Variants in EPHA6 observed in about 807,000 individuals in gnomAD.
The protein encoded by EPHA6 is ephrin type-A receptor 6.
EPHA6 carries 50 observed loss-of-function variants against 112.0 expected under a neutral mutation model. That is an observed-to-expected ratio of 0.45 (90% CI 0.36 to 0.56). EPHA6 has a LOEUF of 0.56. Among genes scored for constraint, EPHA6 ranks in the 20% least tolerant of loss-of-function variants. The pLI, the probability that EPHA6 is intolerant of heterozygous loss-of-function variation, is 0.00. For synonymous variants in EPHA6, 529 were observed against 490.7 expected, an observed-to-expected ratio of 1.08 and a Z score of -1.03; for missense variants, 1,280 against 1,417.4, an observed-to-expected ratio of 0.90 and a Z score of 1.56.
At chr3:96,895,620 C>T (rs145798943) in intron 2 of EPHA6, among the ~76,000 whole-genome samples, 32 of 152,282 alleles carry the variant, frequency 2.1e-4, no homozygotes, top group African/African-American at 7.2e-4. Context: ...GGTAATTGAC[C>T]TATACAGGTG....
chr3:97,715,865 CA>C (rs1204531769), intron 14 of EPHA6, among the ~76,000 whole-genome samples: 4 of 152,150 alleles, frequency 2.6e-5, no homozygotes, highest in Non-Finnish European at 5.9e-5. Context: ...ACTTGGAAAA[CA>C]AAAACACAAA....
chr3:97,138,617 G>T (rs542939224), intron 3 of EPHA6, among the ~76,000 whole-genome samples: 1 of 152,338 alleles, frequency 6.6e-6, no homozygotes, highest in East Asian at 1.9e-4. Flanking sequence ...CAGAGAACAA[G>T]TCTGTGGGCC....
chr3:97,216,149 G>C (rs2078028643), intron 3 of EPHA6, among the ~76,000 whole-genome samples: 1 of 152,162 alleles, frequency 6.6e-6, no homozygotes, highest in Non-Finnish European at 1.5e-5. Flanking sequence ...GGCAGTACAA[G>C]CATGGCTCCA....
intron 11 of EPHA6, among the ~76,000 whole-genome samples, chr3:97,571,907 A>AT (rs2093336479): frequency 6.6e-6 from 1 of 152,216 alleles, no homozygotes; most frequent in Non-Finnish European, 1.5e-5. Context: ...AAGAACCATC[A>AT]TTGCAATGTA....
chr3:97,674,879 C>T (rs182875767), intron 14 of EPHA6, among the ~76,000 whole-genome samples: 260 of 152,196 alleles, frequency 1.7e-3, no homozygotes, highest in African/African-American at 5.8e-3. Context: ...CTTACTTCAT[C>T]GGGAATTCTC....
intron 11 of EPHA6, among the ~76,000 whole-genome samples, chr3:97,544,086 C>T (rs1378879535): frequency 1.3e-5 from 2 of 152,134 alleles, no homozygotes; most frequent in Admixed American, 6.5e-5. Flanking sequence ...CCTTTATTTC[C>T]TTCTCCTGCC....
chr3:97,704,052 T>C (rs1433524765), intron 14 of EPHA6, among the ~76,000 whole-genome samples: 1 of 152,200 alleles, frequency 6.6e-6, no homozygotes, highest in African/African-American at 2.4e-5. Context: ...ATAAAACATA[T>C]GAATTAAATA....
At chr3:97,288,417 G>T (rs1239667922) in intron 5 of EPHA6, among the ~76,000 whole-genome samples, 2 of 152,156 alleles carry the variant, frequency 1.3e-5, no homozygotes, top group South Asian at 2.1e-4. Flanking sequence ...GAGATGATTT[G>T]ATTCTTTTTC....
intron 14 of EPHA6, among the ~76,000 whole-genome samples, chr3:97,669,430 C>A (rs956590567): frequency 6.6e-6 from 1 of 151,554 alleles, no homozygotes; most frequent in Non-Finnish European, 1.5e-5. Context: ...CAAGAGTAGT[C>A]TCTAGACCAC....
chr3:97,365,351 A>G (rs2084654952), intron 5 of EPHA6, among the ~76,000 whole-genome samples: 1 of 152,100 alleles, frequency 6.6e-6, no homozygotes, highest in Non-Finnish European at 1.5e-5. Flanking sequence ...TACAGACATC[A>G]TTAGCAAAAT....
Position 97,472,025 on chromosome 3 carries a change from T to C in EPHA6, c.1895-3327T>C, listed in dbSNP as rs148216857. Among the ~76,000 whole-genome samples, 624 of 151,862 alleles carry C rather than the reference T, an allele frequency of 4.1e-3. 4 individuals carry two copies. Among genetic ancestry groups the C allele is most frequent in the African/African-American group, 0.014 (565 of 41,502 alleles). On this transcript the variant is annotated intron_variant, in intron 7 of 17. Coordinates refer to ENST00000389672, the MANE Select transcript of EPHA6 (RefSeq NM_001080448.3). Reference sequence around the variant, plus strand: ...CTTTGTCTTTACATGTGTCTTTACATGGCCTTCTCGTCTTTGTCTTCTCCA... The same window carrying C: ...CTTTGTCTTTACATGTGTCTTTACACGGCCTTCTCGTCTTTGTCTTCTCCA...
chr3:96,981,277 C>A (rs970394107), intron 2 of EPHA6, among the ~76,000 whole-genome samples: 1 of 152,082 alleles, frequency 6.6e-6, no homozygotes, highest in Non-Finnish European at 1.5e-5. Flanking sequence ...TGAATTTTGT[C>A]AAAGGCCTTT....
intron 3 of EPHA6, among the ~76,000 whole-genome samples, chr3:97,015,169 G>GA (rs1424205208): frequency 2.6e-5 from 4 of 151,952 alleles, no homozygotes; most frequent in South Asian, 2.1e-4. Flanking sequence ...AGGCCTGTGT[G>GA]AAAAAAGAAG....
intron 3 of EPHA6, among the ~76,000 whole-genome samples, chr3:97,159,579 A>G (rs1261360001): frequency 6.6e-6 from 1 of 152,098 alleles, no homozygotes; most frequent in Non-Finnish European, 1.5e-5. Context: ...TTCAGAATAT[A>G]TACAGCCTCT....
chr3:97,700,035 CA>C (rs2033284097), intron 14 of EPHA6, among the ~76,000 whole-genome samples: 1 of 152,166 alleles, frequency 6.6e-6, no homozygotes, highest in South Asian at 2.1e-4. Flanking sequence ...GGAAGTTTAG[CA>C]AGAAAGAATG....
At chr3:97,070,828 G>A (rs2046327186) in intron 3 of EPHA6, among the ~76,000 whole-genome samples, 1 of 152,052 alleles carries the variant, frequency 6.6e-6, no homozygotes, top group African/African-American at 2.4e-5. Flanking sequence ...TGTCCACAGT[G>A]CATTGTCAGT....
chr3:97,347,349 T>G (rs1303044838), intron 5 of EPHA6, among the ~76,000 whole-genome samples: 2 of 152,136 alleles, frequency 1.3e-5, no homozygotes, highest in Non-Finnish European at 2.9e-5. Flanking sequence ...CTAACTTTTC[T>G]TAGATATAAA....
At chr3:97,079,086 C>A (rs1281016953) in intron 3 of EPHA6, among the ~76,000 whole-genome samples, 1 of 152,082 alleles carries the variant, frequency 6.6e-6, no homozygotes, top group Non-Finnish European at 1.5e-5. Flanking sequence ...ACACTGTTTA[C>A]AATAGCAAAG....
At chr3:97,241,681 G>A (rs530009677) in intron 4 of EPHA6, among the ~76,000 whole-genome samples, 1 of 150,568 alleles carries the variant, frequency 6.6e-6, no homozygotes, top group Admixed American at 6.6e-5. Context: ...TAATTTAACA[G>A]CAATTAAAAA....
Sources: gnomAD v4.1 joint callset for allele counts (sites outside exome capture counted in the v4.1 genomes callset) on GRCh38, gnomAD v4.1.1 for gene constraint, MANE v1.5 for transcripts, NCBI Gene and HGNC (gene_info 2026-07-23, HGNC 2026-07-21) for gene names.